UBE3D: variants seen among roughly 807,000 people sequenced by gnomAD.
UBE3D encodes the protein ubiquitin protein ligase E3D.
UBE3D carries 48 observed loss-of-function variants against 49.6 expected under a neutral mutation model. The observed-to-expected ratio is 0.97, with a 90% CI of 0.77 to 1.23. The LOEUF (loss-of-function observed/expected upper bound fraction) is 1.23. Ranked by LOEUF, UBE3D falls within the 50% of genes most tolerant of loss-of-function variation. The pLI is 0.00. For synonymous variants in UBE3D, 189 were observed against 174.2 expected, an observed-to-expected ratio of 1.08 and a Z score of -0.67; for missense variants, 452 against 468.4, an observed-to-expected ratio of 0.96 and a Z score of 0.32.
chr6:83,047,491 T>C (rs150070113), intron 3 of UBE3D, among the ~76,000 whole-genome samples: 212 of 152,306 alleles, frequency 1.4e-3, no homozygotes, highest in African/African-American at 4.9e-3. Flanking sequence ...AGCTTAGGCT[T>C]TGTACCTGGA....
At chr6:82,884,276 C>T in the UBE3D span, among the ~76,000 whole-genome samples, 1 of 152,118 alleles carries the variant, frequency 6.6e-6, no homozygotes, top group African/African-American at 2.4e-5. Flanking sequence ...GACTGTTTCA[C>T]TCTTTTGCTC....
At chr6:82,945,369 C>T (rs1193173679) in intron 9 of UBE3D, among the ~76,000 whole-genome samples, 1 of 152,140 alleles carries the variant, frequency 6.6e-6, no homozygotes, top group East Asian at 1.9e-4. Flanking sequence ...GCCAGGTAAT[C>T]CAGAGAAGTA....
At chr6:83,049,978 C>T (rs559483172) in intron 3 of UBE3D, among the ~76,000 whole-genome samples, 6 of 152,194 alleles carry the variant, frequency 3.9e-5, no homozygotes, top group African/African-American at 9.6e-5. Flanking sequence ...AAATTACATA[C>T]ATTCACACAA....
chr6:83,000,874 C>A (rs181150485), intron 8 of UBE3D, among the ~76,000 whole-genome samples: 1 of 149,854 alleles, frequency 6.7e-6, no homozygotes, highest in African/African-American at 2.5e-5. Flanking sequence ...GACGGAGTCT[C>A]GCTCTTGTTG....
At chr6:82,986,206 C>T (rs9359552) in intron 8 of UBE3D, among the ~76,000 whole-genome samples, 1 of 151,990 alleles carries the variant, frequency 6.6e-6, no homozygotes, top group Non-Finnish European at 1.5e-5. Context: ...GGCGTGGTGG[C>T]TCATGCCTGT....
chr6:83,052,826 C>T (rs1783560790), intron 3 of UBE3D, among the ~76,000 whole-genome samples: 1 of 152,182 alleles, frequency 6.6e-6, no homozygotes, highest in African/African-American at 2.4e-5. Flanking sequence ...AGAACAATTA[C>T]TTAGCTGTGC....
chr6:82,940,272 C>A (rs1413748097), intron 9 of UBE3D, among the ~76,000 whole-genome samples: 1 of 152,158 alleles, frequency 6.6e-6, no homozygotes, highest in African/African-American at 2.4e-5. Context: ...TTTCCCCAGA[C>A]CACAGAACAC....
the UBE3D span, among the ~76,000 whole-genome samples, chr6:82,884,376 A>G: frequency 5.3e-5 from 8 of 152,174 alleles, no homozygotes; most frequent in Non-Finnish European, 1.2e-4. Flanking sequence ...GGAGAAAAAA[A>G]GGAATAAAGT....
intron 9 of UBE3D, among the ~76,000 whole-genome samples, chr6:82,926,842 G>C (rs1773787825): frequency 6.6e-6 from 1 of 152,074 alleles, no homozygotes; most frequent in Non-Finnish European, 1.5e-5. Context: ...TTGCAAAGCA[G>C]AAATTTTTAT....
At chr6:82,958,370 T>G (rs759080246) in intron 8 of UBE3D, among the ~76,000 whole-genome samples, 1 of 151,642 alleles carries the variant, frequency 6.6e-6, no homozygotes, top group Non-Finnish European at 1.5e-5. Context: ...TAAAGATATA[T>G]GTATATAATA....
At chr6:83,054,001 T>C (rs773272342) in intron 3 of UBE3D, 147 bp downstream of exon 3, 9 of 628,728 alleles carry the variant, frequency 1.4e-5, no homozygotes, top group Non-Finnish European at 2.5e-5. Context: ...GCAAGTTTTG[T>C]GGCTAATTTT....
At position 82,953,123 on chromosome 6, in the gene UBE3D, C is replaced by T. The variant is rs953492557; in HGVS notation, c.1149+4189G>A. On this transcript the variant is annotated intron_variant, in intron 9 of 9. Transcript: ENST00000369747. ...GCCACCTAACCCCAGAGTTCTGAAGCACACAGAGTGAAATAAACTAGCAAC... is the reference window on the plus strand; with the variant it reads ...GCCACCTAACCCCAGAGTTCTGAAGTACACAGAGTGAAATAAACTAGCAAC... Among the ~76,000 whole-genome samples, 3 of 152,326 alleles carry T rather than the reference C, an allele frequency of 2.0e-5. No individual in the cohort carries two copies. In the East Asian group the frequency reaches 5.8e-4, roughly 29 times the overall value.
chr6:82,973,423 A>G (rs1410361141), intron 8 of UBE3D, among the ~76,000 whole-genome samples: 1 of 152,222 alleles, frequency 6.6e-6, no homozygotes, highest in Non-Finnish European at 1.5e-5. Context: ...TCCTCCCCGA[A>G]GAGCACCTTG....
chr6:83,012,656 G>A (rs1042219667), intron 8 of UBE3D, among the ~76,000 whole-genome samples: 7 of 152,156 alleles, frequency 4.6e-5, no homozygotes, highest in African/African-American at 1.7e-4. Context: ...CACTCAGAGA[G>A]GTCATCCACA....
intron 9 of UBE3D, among the ~76,000 whole-genome samples, chr6:82,915,096 CAA>C (rs1313726220): frequency 4.0e-5 from 6 of 151,852 alleles, no homozygotes; most frequent in Non-Finnish European, 7.4e-5. Context: ...TTTTTAGAAG[CAA>C]AAAGTTTTAA....
intron 9 of UBE3D, among the ~76,000 whole-genome samples, chr6:82,927,084 C>T (rs1773806560): frequency 2.0e-5 from 3 of 152,022 alleles, no homozygotes; most frequent in Non-Finnish European, 4.4e-5. Context: ...CCAGTTGTTC[C>T]AACATCATTC....
intron 1 of UBE3D, among the ~76,000 whole-genome samples, chr6:83,059,878 C>A (rs1237381733): frequency 1.3e-5 from 2 of 152,160 alleles, no homozygotes; most frequent in African/African-American, 4.8e-5. Flanking sequence ...GGTGTCAAAT[C>A]CCAAGACAGG....
intron 9 of UBE3D, among the ~76,000 whole-genome samples, chr6:82,923,780 T>C (rs1255954602): frequency 6.6e-6 from 1 of 152,070 alleles, no homozygotes; most frequent in Admixed American, 6.5e-5. Context: ...CAAACACAGA[T>C]AAAAAACAAA....
At chr6:82,906,495 A>G (rs1772110627) in intron 9 of UBE3D, among the ~76,000 whole-genome samples, 1 of 152,200 alleles carries the variant, frequency 6.6e-6, no homozygotes. Flanking sequence ...CTAGTAGTTT[A>G]TAATAATTTG....
Sources: allele counts gnomAD v4.1 joint callset (sites outside exome capture counted in the v4.1 genomes callset), GRCh38; gene constraint gnomAD v4.1.1; transcripts MANE v1.5; gene names NCBI Gene and HGNC (gene_info 2026-07-23, HGNC 2026-07-21).